ERBB4: variants seen among roughly 807,000 people sequenced by gnomAD.
ERBB4 encodes receptor tyrosine-protein kinase erbB-4.
In ERBB4, 42 loss-of-function variants were observed where a neutral mutation model predicts 158.0. That is an observed-to-expected ratio of 0.27 (90% CI 0.21 to 0.34). The LOEUF is 0.34. Ranked by LOEUF, ERBB4 falls within the 10% of genes least tolerant of loss-of-function variation. ERBB4 has a pLI of 1.00. For synonymous variants in ERBB4, 583 were observed against 558.7 expected (o/e 1.04, Z -0.61); for missense variants, 1,333 against 1,624.1 (o/e 0.82, Z 3.08).
intron 1 of ERBB4, among the ~76,000 whole-genome samples, chr2:212,259,565 T>C (rs1483140205): frequency 1.3e-5 from 2 of 152,186 alleles, no homozygotes; most frequent in African/African-American, 2.4e-5. Context: ...AATAAATTCA[T>C]TTAAAATGTT....
intron 19 of ERBB4, among the ~76,000 whole-genome samples, chr2:211,593,394 A>C (rs971995691): frequency 1.3e-5 from 2 of 152,176 alleles, no homozygotes; most frequent in Non-Finnish European, 2.9e-5. Context: ...ATGAAATGCA[A>C]GGCAAATCTA....
chr2:211,772,868 T>TATATATATATATATAC (rs2075741389), intron 4 of ERBB4, among the ~76,000 whole-genome samples: 1 of 63,466 alleles, frequency 1.6e-5, no homozygotes, highest in African/African-American at 6.6e-5. Flanking sequence ...TATATATATA[T>TATATATATATATATAC]ACACATATAT....
chr2:211,701,960 T>C lies in ERBB4; in HGVS notation c.1489+7A>G, dbSNP rs2106035239. On this transcript the variant is annotated splice_region_variant and intron_variant, in intron 12 of 27. Transcript: ENST00000342788. Reference sequence around the variant, plus strand: ...CTATGTTTTAAATGTCTGAGTAATGTACTTACTACAATTTTCAGCTTTTCT... The same window carrying C: ...CTATGTTTTAAATGTCTGAGTAATGCACTTACTACAATTTTCAGCTTTTCT... The C allele has an allele frequency of 1.3e-6, 2 of 1,598,136 alleles. No individual in the cohort carries two copies. The highest frequency in any genetic ancestry group is 8.6e-7 in the Non-Finnish European group (1 of 1,165,406).
At chr2:212,318,322 T>G (rs1450375906) in intron 1 of ERBB4, among the ~76,000 whole-genome samples, 1 of 151,628 alleles carries the variant, frequency 6.6e-6, no homozygotes. Flanking sequence ...TAATTACTGT[T>G]GTAATCAGCA....
At chr2:212,122,052 T>C (rs1222178255) in intron 2 of ERBB4, among the ~76,000 whole-genome samples, 2 of 150,418 alleles carry the variant, frequency 1.3e-5, no homozygotes, top group African/African-American at 2.4e-5. Flanking sequence ...TATTTATATA[T>C]ATATATATGT....
At chr2:212,192,005 A>ATGT (rs1385898129) in intron 1 of ERBB4, among the ~76,000 whole-genome samples, 247 of 97,512 alleles carry the variant, frequency 2.5e-3, no homozygotes, top group African/African-American at 8.5e-3. Context: ...TATGTTATAT[A>ATGT]TAATATATGT....
At chr2:212,379,877 G>A (rs2106408498) in intron 1 of ERBB4, among the ~76,000 whole-genome samples, 1 of 150,808 alleles carries the variant, frequency 6.6e-6, no homozygotes, top group Admixed American at 6.6e-5. Context: ...GAGGCTGAAA[G>A]CAATGAAAGA....
chr2:212,477,712 G>A (rs138659208), intron 1 of ERBB4, among the ~76,000 whole-genome samples: 57 of 152,166 alleles, frequency 3.7e-4, no homozygotes, highest in African/African-American at 1.3e-3. Context: ...GTTCAGAGGC[G>A]AGATGAAGGT....
intron 1 of ERBB4, among the ~76,000 whole-genome samples, chr2:212,282,112 G>A (rs1361240537): frequency 6.6e-6 from 1 of 151,766 alleles, no homozygotes; most frequent in African/African-American, 2.4e-5. Context: ...ATTCTCTGAT[G>A]GTCACTAAAT....
intron 1 of ERBB4, among the ~76,000 whole-genome samples, chr2:212,321,498 G>A (rs1175389429): frequency 2.0e-5 from 3 of 150,320 alleles, no homozygotes; most frequent in Non-Finnish European, 3.0e-5. Context: ...AGACCATCCT[G>A]GGCAACATAG....
chr2:211,419,795 T>A (rs1183152388), intron 25 of ERBB4, among the ~76,000 whole-genome samples: 1 of 152,106 alleles, frequency 6.6e-6, no homozygotes, highest in South Asian at 2.1e-4. Flanking sequence ...AATAAATGCA[T>A]GGATTTGACA....
At chr2:212,369,248 C>T (rs2090001605) in intron 1 of ERBB4, among the ~76,000 whole-genome samples, 1 of 152,122 alleles carries the variant, frequency 6.6e-6, no homozygotes, top group African/African-American at 2.4e-5. Flanking sequence ...TTCTGTATGA[C>T]AACAGTGGAG....
chr2:211,442,098 GCTT>G (rs1287916121), intron 20 of ERBB4, among the ~76,000 whole-genome samples: 1 of 151,998 alleles, frequency 6.6e-6, no homozygotes, highest in Non-Finnish European at 1.5e-5. Flanking sequence ...TGGCCCTCCA[GCTT>G]CTTTTCTTGG....
intron 1 of ERBB4, among the ~76,000 whole-genome samples, chr2:212,286,493 T>C (rs977300826): frequency 6.6e-6 from 1 of 151,768 alleles, no homozygotes; most frequent in African/African-American, 2.4e-5. Flanking sequence ...TAAATATAGA[T>C]GGGTTGCATA....
chr2:211,486,146 A>G (rs1432184150), intron 20 of ERBB4, among the ~76,000 whole-genome samples: 1 of 152,206 alleles, frequency 6.6e-6, no homozygotes, highest in Admixed American at 6.5e-5. Context: ...AGCAAAAATT[A>G]CATCATCCTT....
intron 1 of ERBB4, among the ~76,000 whole-genome samples, chr2:212,373,712 C>CATAT (rs1491551408): frequency 2.1e-5 from 3 of 140,044 alleles, no homozygotes; most frequent in African/African-American, 7.8e-5. Flanking sequence ...TATATATATC[C>CATAT]ACATATATAT....
At chr2:212,330,487 G>A (rs187338264) in intron 1 of ERBB4, among the ~76,000 whole-genome samples, 19 of 151,924 alleles carry the variant, frequency 1.3e-4, no homozygotes, top group Admixed American at 1.0e-3. Flanking sequence ...CATGGTGGCG[G>A]GTGCTTGTAG....
chr2:212,038,525 A>T (rs964172151), intron 2 of ERBB4, among the ~76,000 whole-genome samples: 1 of 152,084 alleles, frequency 6.6e-6, no homozygotes, highest in African/African-American at 2.4e-5. Context: ...AAATATCTCT[A>T]CCTAAGACAT....
chr2:211,431,776 A>G (rs115955022), intron 20 of ERBB4, among the ~76,000 whole-genome samples: 1,740 of 152,262 alleles, frequency 0.011, 34 homozygotes, highest in African/African-American at 0.039. Context: ...TTAGCCTTTA[A>G]TATTTTACCT....
Sources: allele counts gnomAD v4.1 joint callset (sites outside exome capture counted in the v4.1 genomes callset), GRCh38; gene constraint gnomAD v4.1.1; transcripts MANE v1.5; gene names NCBI Gene and HGNC (gene_info 2026-07-23, HGNC 2026-07-21).